The following PDPK1 variants were observed in gnomAD, a reference collection of about 807,000 sequenced individuals.
The protein encoded by PDPK1 is 3-phosphoinositide dependent protein kinase 1.
A neutral mutation model predicts 39.8 loss-of-function variants in PDPK1; 7 were observed. The ratio of observed to expected loss-of-function variants is 0.18; its 90% confidence interval spans 0.10 to 0.33. PDPK1 has a LOEUF of 0.33. Among genes scored for constraint, PDPK1 ranks in the 10% least tolerant of loss-of-function variants. The pLI is 1.00. For synonymous variants in PDPK1, 118 were observed against 159.1 expected (o/e 0.74, Z 1.95); for missense variants, 182 against 384.7 (o/e 0.47, Z 4.41).
In PDPK1 at chr16:2,597,412, G is replaced by A. The variant is rs147946576; in HGVS notation, c.1554+137G>A. ...CCTCGCCCTTTCCGACATCCCAGAC[G>A]CCCACACTAGTGGCTCAGTCCTGAG... On this transcript the variant is annotated intron_variant, in intron 13 of 13. Transcript: ENST00000342085. This position sits in a 1 kb window ranked among gnomAD's most constrained non-coding sequence, Gnocchi z 6.3. 3.5e-4 allele frequency: 284 copies of A among 818,796 alleles called. 1 individual carries two copies. In the African/African-American group the frequency reaches 4.2e-3, roughly 12 times the overall value. 50.7% of individuals were successfully genotyped at this position (818,796 alleles called of 1,614,324 possible).
chr16:2,597,215 T>G lies in PDPK1; in HGVS notation c.1494T>G (p.Ile498Met). Residue 498 changes from isoleucine (I) to methionine (M), a missense_variant, in exon 13 of 14, where the codon ATT (isoleucine) becomes ATG (methionine). Transcript: ENST00000342085. The surrounding 1 kb of genome is among the most constrained non-coding windows in gnomAD (Gnocchi z 6.3). ...DPVNKVLKGE[I>M]PWSQELRPEA... ...TCAACAAAGTTCTGAAAGGTGAAAT[T>G]CCTTGGTCACAAGAACTTCGACCAG... The G allele has an allele frequency of 6.3e-7, 1 of 1,597,070 alleles. No homozygotes were observed. Among genetic ancestry groups the G allele is most frequent in the Non-Finnish European group, 8.6e-7 (1 of 1,165,764 alleles).
intron 1 of PDPK1, 68 bp downstream of exon 1, chr16:2,538,204 C>G: frequency 1.1e-6 from 1 of 903,174 alleles, no homozygotes; most frequent in South Asian, 5.0e-5. Flanking sequence ...CCGCCCGGGT[C>G]CGGCGAGGCG....
intron 1 of PDPK1, among the ~76,000 whole-genome samples, chr16:2,541,359 C>T (rs192178198): frequency 2.8e-4 from 43 of 152,182 alleles, no homozygotes; most frequent in African/African-American, 5.8e-4. Context: ...CGGTGGGAGA[C>T]GGAGTCTGGC....
chr16:2,596,198 A>G (rs2067097811), intron 12 of PDPK1, among the ~76,000 whole-genome samples: 1 of 151,848 alleles, frequency 6.6e-6, no homozygotes, highest in Non-Finnish European at 1.5e-5. Context: ...GTTGTTCTTT[A>G]TTTTTTTCTT....
rs1297067542 is a variant in PDPK1, at chr16:2,592,911, T to C, written c.1344-2882T>C. 8.8e-6 allele frequency: 4 copies of C among 456,334 alleles called. No homozygotes were observed. The East Asian group carries it at 2.8e-4, about 32-fold the overall frequency. 28.3% of individuals were successfully genotyped at this position (456,334 alleles called of 1,614,324 possible). On this transcript the variant is annotated intron_variant, in intron 11 of 13. Transcript: ENST00000342085. The stretch of plus-strand genomic sequence containing the variant: ...GGGTGGCGCCTGTCCGTGGGGCCCT[T>C]GCCTGCCTCCCCGTGGTGCTGGCGT...
chr16:2,587,849 A>C (rs1189473491), intron 11 of PDPK1, among the ~76,000 whole-genome samples: 1 of 152,234 alleles, frequency 6.6e-6, no homozygotes, highest in Non-Finnish European at 1.5e-5. Context: ...GGAAGCTGCA[A>C]ATTCTTACCA....
intron 11 of PDPK1, chr16:2,592,891 G>A (rs1240500323): frequency 2.2e-6 from 1 of 456,540 alleles, no homozygotes; most frequent in Admixed American, 2.3e-5. Flanking sequence ...GGGGTGGGTG[G>A]CGCCTGTCCG....
intron 1 of PDPK1, chr16:2,538,657 G>C (rs922811919): frequency 7.8e-7 from 1 of 1,288,898 alleles, no homozygotes. Context: ...CGCCTTTCAC[G>C]GCCCGGCCAA....
At chr16:2,552,466 G>A (rs1488537337) in intron 1 of PDPK1, among the ~76,000 whole-genome samples, 1 of 151,706 alleles carries the variant, frequency 6.6e-6, no homozygotes, top group Admixed American at 6.6e-5. Context: ...CAGAGGTGTG[G>A]TTGGGGGCTC....
intron 11 of PDPK1, chr16:2,592,368 T>G: frequency 1.3e-5 from 3 of 224,404 alleles, no homozygotes; most frequent in Non-Finnish European, 2.7e-5. Flanking sequence ...GCATGGCGAG[T>G]AGTTAGGTGT....
At position 2,601,923 on chromosome 16, in the gene PDPK1, G is replaced by A. The variant is rs1274161189; in HGVS notation, c.*4156G>A. On this transcript the variant is annotated 3_prime_UTR_variant, in exon 14 of 14. Coordinates refer to ENST00000342085, the MANE Select transcript of PDPK1 (RefSeq NM_002613.5). The stretch of plus-strand genomic sequence containing the variant: ...ACTGTAGTTGGGGTCCATTGATTGT[G>A]CAGGGGAACGTGCAGGAGGTTTTTC... The A allele has an allele frequency of 4.3e-6, 1 of 232,616 alleles. No individual in the cohort carries two copies. Among genetic ancestry groups the A allele is most frequent in the Non-Finnish European group, 8.6e-6 (1 of 116,938 alleles). The allele number at this position is 232,616 out of a possible 1,614,324, so 14.4% of individuals were successfully genotyped here. A position where few individuals can be genotyped will look rare whatever the true frequency, so the allele number is the denominator to read the frequency against.
chr16:2,540,391 T>A (rs2066222665), intron 1 of PDPK1, among the ~76,000 whole-genome samples: 1 of 152,038 alleles, frequency 6.6e-6, no homozygotes, highest in South Asian at 2.1e-4. Flanking sequence ...CATTGCGAGG[T>A]AGGTGTTGTT....
rs780858375 is a variant in PDPK1 at position 2,598,377 on chromosome 16, C to T, written c.*610C>T. On this transcript the variant is annotated 3_prime_UTR_variant, in exon 14 of 14. Coordinates refer to ENST00000342085, the MANE Select transcript of PDPK1 (RefSeq NM_002613.5). ...ATCCCTGTGGTGGCTCTGGTGGCAGCTTTCTGTGGCCCCTGCTGTGTTGGC... is the reference window on the plus strand; with the variant it reads ...ATCCCTGTGGTGGCTCTGGTGGCAGTTTTCTGTGGCCCCTGCTGTGTTGGC... The T allele has an allele frequency of 4.3e-6, 1 of 234,128 alleles. No homozygotes were observed. Among genetic ancestry groups the T allele is most frequent in the African/African-American group, 2.2e-5 (1 of 45,354 alleles). 14.5% of individuals were successfully genotyped at this position (234,128 alleles called of 1,614,324 possible). A position where few individuals can be genotyped will look rare whatever the true frequency, so the allele number is the denominator to read the frequency against.
rs2067234853 is a variant in PDPK1, at chr16:2,602,360, C to T, written c.*4593C>T. The T allele has an allele frequency of 4.3e-6, 1 of 234,690 alleles. No homozygotes were observed. Among genetic ancestry groups the T allele is most frequent in the African/African-American group, 2.2e-5 (1 of 45,296 alleles). The allele number at this position is 234,690 out of a possible 1,614,324, so 14.5% of individuals were successfully genotyped here. A position where few individuals can be genotyped will look rare whatever the true frequency, so the allele number is the denominator to read the frequency against. ...ACTGGTGTGAGGAGGAAGCTGTTTC[C>T]AACAAAGAGCACTTTCATCTGTTGA... On this transcript the variant is annotated 3_prime_UTR_variant, in exon 14 of 14. Coordinates refer to ENST00000342085, the MANE Select transcript of PDPK1 (RefSeq NM_002613.5).
At position 2,598,271 on chromosome 16, in the gene PDPK1, G is replaced by C. The variant is rs911269169; in HGVS notation, c.*504G>C. Reference sequence around the variant, plus strand: ...TGCGGGGGCCGCAGCTTTGTGGAGGGAGCCGCCGTGCTTCTGTCACCTGCT... The same window carrying C: ...TGCGGGGGCCGCAGCTTTGTGGAGGCAGCCGCCGTGCTTCTGTCACCTGCT... On this transcript the variant is annotated 3_prime_UTR_variant, in exon 14 of 14. Transcript: ENST00000342085. 3.9e-5 allele frequency: 9 copies of C among 233,662 alleles called. No homozygotes were observed. The highest frequency in any genetic ancestry group is 4.2e-5 in the Non-Finnish European group (5 of 118,346). 14.5% of individuals were successfully genotyped at this position (233,662 alleles called of 1,614,324 possible). A position where few individuals can be genotyped will look rare whatever the true frequency, so the allele number is the denominator to read the frequency against.
chr16:2,585,949 C>G (rs909756691), intron 10 of PDPK1, among the ~76,000 whole-genome samples: 2 of 152,218 alleles, frequency 1.3e-5, no homozygotes, highest in African/African-American at 4.8e-5. Flanking sequence ...CTCCACAGAG[C>G]TCAGATGTGG....
At chr16:2,543,888 A>ATTTT (rs11422907) in intron 1 of PDPK1, among the ~76,000 whole-genome samples, 1 of 134,800 alleles carries the variant, frequency 7.4e-6, no homozygotes, top group South Asian at 2.3e-4. Context: ...CACCCGGCTA[A>ATTTT]TTTTTTTTTT....
intron 1 of PDPK1, among the ~76,000 whole-genome samples, chr16:2,546,778 C>G (rs1445762041): frequency 2.0e-5 from 3 of 152,052 alleles, no homozygotes; most frequent in African/African-American, 7.3e-5. Context: ...CCTGTGGCGG[C>G]AAAAGGGACG....
chr16:2,545,079 C>T (rs1425760730), intron 1 of PDPK1, among the ~76,000 whole-genome samples: 4 of 149,724 alleles, frequency 2.7e-5, no homozygotes, highest in Admixed American at 6.7e-5. Flanking sequence ...TGCTGTTGCC[C>T]AGGCTGGAGT....
Sources: gnomAD v4.1 joint callset for allele counts (sites outside exome capture counted in the v4.1 genomes callset) on GRCh38, gnomAD v4.1.1 for gene constraint, Gnocchi (gnomAD v3.1) non-coding constraint, MANE v1.5 for transcripts, NCBI Gene and HGNC (gene_info 2026-07-23, HGNC 2026-07-21) for gene names.